PLEKHG5: variants seen among roughly 807,000 people sequenced by gnomAD.
PLEKHG5 encodes pleckstrin homology and RhoGEF domain containing G5.
PLEKHG5 carries 52 observed loss-of-function variants against 103.8 expected under a neutral mutation model. The ratio of observed to expected loss-of-function variants is 0.50; its 90% CI spans 0.40 to 0.63. PLEKHG5 has a LOEUF of 0.63. Among genes scored for constraint, PLEKHG5 ranks in the 30% least tolerant of loss-of-function variants. The probability of loss-of-function intolerance (pLI) is 0.00; values close to 1 mark genes in which losing one functional copy is unlikely to be tolerated. For missense variants in PLEKHG5, 1,205 were observed against 1,347.6 expected (o/e 0.89, Z 1.66); for synonymous variants, 592 against 575.5 (o/e 1.03, Z -0.41).
rs772988376 is a variant in PLEKHG5 at position 6,468,516 on chromosome 1, C to T, written c.2320G>A (p.Glu774Lys). The T allele has an allele frequency of 2.8e-5, 45 of 1,612,790 alleles. No homozygotes were observed. Among genetic ancestry groups the T allele is most frequent in the Admixed American group, 6.7e-5 (4 of 60,002 alleles). ...GAGCTGAAAGGACCGCTGTCGAACT[C>T]GGGGGAGGACAGCGTGTCCCCAGGC... ...VEPGDTLSSPEFDSGPFSSQS... is the reference protein window; with the variant it reads ...VEPGDTLSSPKFDSGPFSSQS... Residue 774 changes from glutamate to lysine, a missense_variant, in exon 20 of 21, where the codon GAG becomes AAG. Glu to Lys is a moderately conservative substitution (Grantham distance 56). Coordinates refer to ENST00000377728, the MANE Select transcript of PLEKHG5 (RefSeq NM_020631.6).
chr1:6,471,725 C>A, intron 11 of PLEKHG5, 33 bp downstream of exon 11: 1 of 1,600,516 alleles, frequency 6.2e-7, no homozygotes, highest in Non-Finnish European at 8.5e-7. Context: ...TTCCTGGTAC[C>A]TCACCCGCCG....
intron 2 of PLEKHG5, 138 bp from the exon 3 acceptor site, chr1:6,476,174 A>G (rs1424962883): frequency 2.7e-6 from 2 of 733,480 alleles, no homozygotes; most frequent in Non-Finnish European, 2.4e-6. Flanking sequence ...TTCTGTGAGG[A>G]GAGGGGCTCA....
At chr1:6,512,049 A>C (rs1211177160) in intron 1 of PLEKHG5, among the ~76,000 whole-genome samples, 2 of 152,176 alleles carry the variant, frequency 1.3e-5, no homozygotes, top group Non-Finnish European at 2.9e-5. Flanking sequence ...CTCTGGACCA[A>C]GGGCCTTCAA....
intron 1 of PLEKHG5, among the ~76,000 whole-genome samples, chr1:6,484,804 C>A (rs1644986513): frequency 6.6e-6 from 1 of 152,218 alleles, no homozygotes; most frequent in South Asian, 2.1e-4. Context: ...AGGAGAGAGC[C>A]CACCCATGGG....
Position 6,501,776 on chromosome 1 carries a change from T to C in PLEKHG5, c.-164-5207A>G, listed in dbSNP as rs918675536. On this transcript the variant is annotated intron_variant, in intron 1 of 21. Transcript: ENST00000377740. The surrounding 1 kb of genome is among the most constrained non-coding windows in gnomAD (Gnocchi z 4.3). ...CCATGGGGCCTGACACAATTAGCTG[T>C]CTGGAAAACGTGAATTGGTCCCCCC... Among the ~76,000 whole-genome samples, 3 of 152,174 alleles carry C rather than the reference T, an allele frequency of 2.0e-5. No individual in the cohort carries two copies. The highest frequency in any genetic ancestry group is 7.2e-5 in the African/African-American group (3 of 41,434).
Position 6,467,571 on chromosome 1 carries a change from C to T in PLEKHG5, c.3013G>A (p.Glu1005Lys). Reference protein sequence around the residue: ...LLLNSTLTASEV With the variant: ...LLLNSTLTASKV ...TGGGGGCCTCCCTCTGCTCAGACCT[C>T]CCTACAGGGTGGGGAGGGGACAGAG... The change falls in exon 21 of 21, where the codon GAG (glutamate) becomes AAG (lysine). Residue 1005 changes from glutamate to lysine, a missense_variant and splice_region_variant. Coordinates refer to ENST00000377728, the MANE Select transcript of PLEKHG5 (RefSeq NM_020631.6). 6.2e-7 allele frequency: 1 copy of T among 1,613,456 alleles called. No individual in the cohort carries two copies. The highest frequency in any genetic ancestry group is 8.5e-7 in the Non-Finnish European group (1 of 1,179,754).
Position 6,475,126 on chromosome 1 carries a change from C to G in PLEKHG5, c.223G>C (p.Glu75Gln). The G allele has an allele frequency of 6.2e-7, 1 of 1,604,624 alleles. No individual in the cohort carries two copies. Among genetic ancestry groups the G allele is most frequent in the Non-Finnish European group, 8.5e-7 (1 of 1,171,536 alleles). ...AGGTCAAATTTCAGAGTGAAGCATT[C>G]CTTGCTTGGGTCCTGGGAGGATGGT... is the stretch of plus-strand genomic sequence containing the variant. Reference protein sequence around the residue: ...RRRHTDDPSKECFTLKFDLNV... With the variant: ...RRRHTDDPSKQCFTLKFDLNV... The change falls in exon 5 of 21, where the codon GAA becomes CAA. Residue 75 changes from glutamate to glutamine, a missense_variant. Glu to Gln is a conservative substitution (Grantham distance 29). Coordinates refer to ENST00000377728, the MANE Select transcript of PLEKHG5 (RefSeq NM_020631.6).
chr1:6,492,068 G>C (rs1252813282), upstream of PLEKHG5, among the ~76,000 whole-genome samples: 3 of 152,234 alleles, frequency 2.0e-5, no homozygotes, highest in Non-Finnish European at 2.9e-5. Flanking sequence ...TGCTTGGCAA[G>C]TCATTTTACC....
upstream of PLEKHG5, chr1:6,497,249 G>C (rs1466188615): frequency 5.7e-6 from 5 of 882,872 alleles, no homozygotes; most frequent in Non-Finnish European, 9.0e-6. This position sits in a 1 kb window ranked among gnomAD's most constrained non-coding sequence, Gnocchi z 6.1. Flanking sequence ...GCCCTCCCCG[G>C]AGGAGGTTAG....
intron 1 of PLEKHG5, among the ~76,000 whole-genome samples, chr1:6,481,828 C>T (rs1001758936): frequency 2.0e-5 from 3 of 150,264 alleles, no homozygotes; most frequent in African/African-American, 7.4e-5. Context: ...TGCGCCACTG[C>T]ACTCCAGCCT....
rs561744214 is a variant in PLEKHG5 at position 6,472,053 on chromosome 1, G to A, written c.1081-245C>T. Among the ~76,000 whole-genome samples, 5 of 152,336 alleles carry A rather than the reference G, an allele frequency of 3.3e-5. No homozygotes were observed. The East Asian group carries it at 9.6e-4, about 29-fold the overall frequency. The stretch of plus-strand genomic sequence containing the variant: ...CCTGGTCCCTCCTGGAGGGAAGCTC[G>A]GGGGAGACTGGCTTTGAAGCCATGC... On this transcript the variant is annotated intron_variant, in intron 10 of 20. Coordinates refer to ENST00000377728, the MANE Select transcript of PLEKHG5 (RefSeq NM_020631.6).
intron 1 of PLEKHG5, among the ~76,000 whole-genome samples, chr1:6,518,426 G>A (rs1386345557): frequency 6.6e-6 from 1 of 151,468 alleles, no homozygotes; most frequent in Non-Finnish European, 1.5e-5. Flanking sequence ...CGGGCTTGAT[G>A]GCGCATGCCT....
At chr1:6,479,318 G>A (rs1416153862) in intron 1 of PLEKHG5, among the ~76,000 whole-genome samples, 2 of 128,916 alleles carry the variant, frequency 1.6e-5, no homozygotes, top group South Asian at 2.3e-4. Context: ...ACGGAGTCTC[G>A]CTCTGTCGCC....
Position 6,490,697 on chromosome 1 carries a change from G to A in PLEKHG5, c.-88+940C>T, listed in dbSNP as rs1034245140. Reference sequence around the variant, plus strand: ...CGGGGAGAGGAGGGGTCCCAGGAAGGGCCCCGCGCCGGAGCCAGGGAGGTG... The same window carrying A: ...CGGGGAGAGGAGGGGTCCCAGGAAGAGCCCCGCGCCGGAGCCAGGGAGGTG... On this transcript the variant is annotated intron_variant, in intron 1 of 20. Coordinates refer to ENST00000377728, the MANE Select transcript of PLEKHG5 (RefSeq NM_020631.6). The surrounding 1 kb of genome is among the most constrained non-coding windows in gnomAD (Gnocchi z 8.0). 18 of 748,042 alleles carry A rather than the reference G, an allele frequency of 2.4e-5. No individual in the cohort carries two copies. Among genetic ancestry groups the A allele is most frequent in the Non-Finnish European group, 2.9e-5 (18 of 613,620 alleles). The allele number at this position is 748,042 out of a possible 1,614,324, so 46.3% of individuals were successfully genotyped here.
At position 6,490,410 on chromosome 1, in the gene PLEKHG5, G is replaced by A; in HGVS notation, c.-88+1227C>T. On this transcript the variant is annotated intron_variant, in intron 1 of 20. Coordinates refer to ENST00000377728, the MANE Select transcript of PLEKHG5 (RefSeq NM_020631.6). The surrounding 1 kb of genome is among the most constrained non-coding windows in gnomAD (Gnocchi z 8.0). ...GTCCTGGCGCCTAGTCCCACCCCCC[G>A]TCCGGAGCGCAGCTCCCACTTCCCC... The A allele has an allele frequency of 2.0e-6, 2 of 979,182 alleles. No individual in the cohort carries two copies. Among genetic ancestry groups the A allele is most frequent in the Non-Finnish European group, 2.4e-6 (2 of 824,582 alleles). 60.7% of individuals were successfully genotyped at this position (979,182 alleles called of 1,614,324 possible).
At chr1:6,494,118 A>ATTTTTTTTTTTTT (rs36105555), upstream of PLEKHG5, among the ~76,000 whole-genome samples, 1 of 75,722 alleles carries the variant, frequency 1.3e-5, no homozygotes, top group African/African-American at 1.0e-4. Flanking sequence ...CACCTGGCTA[A>ATTTTTTTTTTTTT]TTTTTTTTTT....
At chr1:6,472,011 T>G (rs1644607001) in intron 10 of PLEKHG5, among the ~76,000 whole-genome samples, 2 of 152,158 alleles carry the variant, frequency 1.3e-5, no homozygotes, top group East Asian at 3.8e-4. Flanking sequence ...CTCATAGCCC[T>G]CCCGAGGTCA....
At chr1:6,473,595 G>A in intron 7 of PLEKHG5, 141 bp from the exon 8 acceptor site, 1 of 656,940 alleles carries the variant, frequency 1.5e-6, no homozygotes, top group Non-Finnish European at 2.6e-6. Flanking sequence ...CCCTCTCCTG[G>A]GACCCAGACA....
Position 6,491,526 on chromosome 1 carries a change from A to T in PLEKHG5, c.-88+111T>A. On this transcript the variant is annotated intron_variant, in intron 1 of 20. Transcript: ENST00000377728. The surrounding 1 kb of genome is among the most constrained non-coding windows in gnomAD (Gnocchi z 4.1). ...CACCACCTCTCTCCGGGGACCAGTC[A>T]CTTCCAGAGATGGCCCAAACCTGGC... 1 of 359,950 alleles carries T rather than the reference A, an allele frequency of 2.8e-6. No homozygotes were observed. The highest frequency in any genetic ancestry group is 3.9e-6 in the Non-Finnish European group (1 of 258,990). 22.3% of individuals were successfully genotyped at this position (359,950 alleles called of 1,614,324 possible). A position where few individuals can be genotyped will look rare whatever the true frequency, so the allele number is the denominator to read the frequency against.
Sources: gnomAD v4.1 joint callset for allele counts (sites outside exome capture counted in the v4.1 genomes callset) on GRCh38, gnomAD v4.1.1 for gene constraint, Gnocchi (gnomAD v3.1) non-coding constraint, MANE v1.5 for transcripts, NCBI Gene and HGNC (gene_info 2026-07-23, HGNC 2026-07-21) for gene names.